Variants in CADM2 observed in about 807,000 individuals in gnomAD.
The protein encoded by CADM2 is immunoglobulin superfamily member 4D.
A neutral mutation model predicts 49.8 loss-of-function variants in CADM2; 12 were observed. The observed-to-expected ratio is 0.24, with a 90% CI of 0.15 to 0.39. The LOEUF is 0.39. CADM2 is among the 10% of genes least tolerant of loss of function. The pLI is 1.00. For synonymous variants in CADM2, 214 were observed against 175.4 expected, an observed-to-expected ratio of 1.22 and a Z score of -1.74; for missense variants, 378 against 492.3, an observed-to-expected ratio of 0.77 and a Z score of 2.20.
At chr3:85,567,216 T>C (rs1036249575) in intron 1 of CADM2, among the ~76,000 whole-genome samples, 4 of 152,150 alleles carry the variant, frequency 2.6e-5, no homozygotes, top group Non-Finnish European at 5.9e-5. Flanking sequence ...ATTCTTGTTG[T>C]GTGCAAATCT....
chr3:84,981,565 A>G (rs1017743133), intron 1 of CADM2, among the ~76,000 whole-genome samples: 3 of 152,098 alleles, frequency 2.0e-5, no homozygotes, highest in Admixed American at 2.0e-4. Context: ...CAACTTGAAG[A>G]ACACTTCTGT....
intron 1 of CADM2, among the ~76,000 whole-genome samples, chr3:84,983,954 A>T (rs905822183): frequency 6.6e-6 from 1 of 151,712 alleles, no homozygotes; most frequent in African/African-American, 2.4e-5. Flanking sequence ...AACTTCAAGA[A>T]ATTGTTTTAT....
At chr3:85,736,939 A>ATCC (rs1311674666) in intron 2 of CADM2, among the ~76,000 whole-genome samples, 3 of 152,222 alleles carry the variant, frequency 2.0e-5, no homozygotes, top group African/African-American at 7.2e-5. Flanking sequence ...ATTCACGAGA[A>ATCC]TAGAAATTCC....
chr3:85,958,411 C>A (rs1418570799), intron 7 of CADM2, among the ~76,000 whole-genome samples: 1 of 151,722 alleles, frequency 6.6e-6, no homozygotes, highest in Non-Finnish European at 1.5e-5. Context: ...GATCTAGAAC[C>A]AGAAACACCA....
intron 7 of CADM2, among the ~76,000 whole-genome samples, chr3:85,939,775 A>G (rs1264598182): frequency 6.7e-6 from 1 of 148,516 alleles, no homozygotes; most frequent in Non-Finnish European, 1.5e-5. Flanking sequence ...TCTGGTAACC[A>G]CAATTTTTCT....
Position 85,974,843 on chromosome 3 carries a change from C to T in CADM2, c.970+13196C>T, listed in dbSNP as rs1726577296. 2.6e-5 allele frequency among the ~76,000 whole-genome samples: 4 copies of T among 151,358 alleles called. No individual in the cohort carries two copies. In the Admixed American group the frequency reaches 2.6e-4, roughly 10 times the overall value. On this transcript the variant is annotated intron_variant, in intron 8 of 9. Transcript: ENST00000383699. Reference sequence around the variant, plus strand: ...GGGTTCTGTCTGTTATTGAAATACCCCAAAATTTTCCTTTTACATGAAAAC... The same window carrying T: ...GGGTTCTGTCTGTTATTGAAATACCTCAAAATTTTCCTTTTACATGAAAAC...
chr3:85,496,572 T>C (rs756456910), intron 1 of CADM2, among the ~76,000 whole-genome samples: 4 of 152,202 alleles, frequency 2.6e-5, no homozygotes, highest in Non-Finnish European at 5.9e-5. Context: ...ATGGGATTGC[T>C]AGGTCAAATG....
intron 8 of CADM2, among the ~76,000 whole-genome samples, chr3:85,977,689 G>A (rs1469072609): frequency 7.9e-5 from 12 of 151,494 alleles, no homozygotes; most frequent in Middle Eastern, 3.4e-3. Context: ...TTATAATGTC[G>A]TTAAAGTCAG....
intron 1 of CADM2, among the ~76,000 whole-genome samples, chr3:85,588,702 C>G (rs1385717262): frequency 6.6e-6 from 1 of 151,942 alleles, no homozygotes; most frequent in Non-Finnish European, 1.5e-5. Context: ...TTTCCAGTAG[C>G]AACAGTATGC....
At position 85,134,057 on chromosome 3, in the gene CADM2, T is replaced by C. The variant is rs565924085; in HGVS notation, c.61+174389T>C. On this transcript the variant is annotated intron_variant, in intron 1 of 9. Coordinates refer to ENST00000383699, the MANE Select transcript of CADM2 (RefSeq NM_001167675.2). ...GAAATCGAGCGCAGCGCCGGTGGGC[T>C]GGCACTGCTGGGGGACCCAGTACAC... is the stretch of plus-strand genomic sequence containing the variant. 1.6e-3 allele frequency among the ~76,000 whole-genome samples: 237 copies of C among 152,316 alleles called. 2 individuals are homozygous for C. In the Middle Eastern group the frequency reaches 0.021, roughly 13 times the overall value.
chr3:85,458,919 G>T, intron 1 of CADM2, among the ~76,000 whole-genome samples: 1 of 152,142 alleles, frequency 6.6e-6, no homozygotes, highest in East Asian at 1.9e-4. Flanking sequence ...CTTGTACATT[G>T]CTTTTGTGAT....
At chr3:85,518,918 G>A (rs2060966917) in intron 1 of CADM2, among the ~76,000 whole-genome samples, 1 of 151,948 alleles carries the variant, frequency 6.6e-6, no homozygotes, top group Non-Finnish European at 1.5e-5. Context: ...TGTCTTCACG[G>A]AACATTTTTC....
intron 5 of CADM2, among the ~76,000 whole-genome samples, chr3:85,911,119 CA>C (rs1269164693): frequency 2.6e-5 from 4 of 151,950 alleles, no homozygotes; most frequent in African/African-American, 9.7e-5. Context: ...CTGACAATAT[CA>C]ATGTTTATTT....
chr3:86,013,141 A>G, intron 8 of CADM2: 1 of 1,339,522 alleles, frequency 7.5e-7, no homozygotes, highest in Non-Finnish European at 1.1e-6. Context: ...GTAAGTAGAC[A>G]CAGAAAACGA....
chr3:85,500,010 A>G (rs1241204978), intron 1 of CADM2, among the ~76,000 whole-genome samples: 1 of 152,200 alleles, frequency 6.6e-6, no homozygotes, highest in African/African-American at 2.4e-5. Context: ...AAATGTTATG[A>G]TAGAAAGACT....
At chr3:86,048,689 G>A (rs1454228507) in intron 8 of CADM2, among the ~76,000 whole-genome samples, 3 of 151,906 alleles carry the variant, frequency 2.0e-5, no homozygotes, top group Non-Finnish European at 2.9e-5. Flanking sequence ...CATTAACAAT[G>A]TTCTTAAGCT....
chr3:85,491,330 G>GA (rs965261234), intron 1 of CADM2, among the ~76,000 whole-genome samples: 12 of 152,096 alleles, frequency 7.9e-5, no homozygotes, highest in African/African-American at 2.9e-4. Flanking sequence ...AGACAAAATA[G>GA]AAAAAAATAC....
intron 1 of CADM2, among the ~76,000 whole-genome samples, chr3:85,210,496 T>G (rs2041751161): frequency 6.6e-6 from 1 of 152,092 alleles, no homozygotes; most frequent in African/African-American, 2.4e-5. Context: ...CTGGCCTTGT[T>G]GAATGAATTA....
intron 1 of CADM2, among the ~76,000 whole-genome samples, chr3:85,378,380 C>T (rs926046486): frequency 6.6e-6 from 1 of 151,946 alleles, no homozygotes; most frequent in African/African-American, 2.4e-5. Context: ...TCTTTTTCTT[C>T]TTCAGAGAGA....
Sources: gnomAD v4.1 joint callset for allele counts (sites outside exome capture counted in the v4.1 genomes callset) on GRCh38, gnomAD v4.1.1 for gene constraint, MANE v1.5 for transcripts, NCBI Gene and HGNC (gene_info 2026-07-23, HGNC 2026-07-21) for gene names.